Variants in HEATR4 observed in about 807,000 individuals in gnomAD.
HEATR4 encodes HEAT repeat-containing protein 4.
A neutral mutation model predicts 108.8 loss-of-function variants in HEATR4; 95 were observed. The observed-to-expected ratio is 0.87, with a 90% confidence interval of 0.74 to 1.04. The LOEUF is 1.04. HEATR4 is among the 50% of genes least tolerant of loss of function. HEATR4 has a pLI of 0.00. For missense variants in HEATR4, 1,152 were observed against 1,253.8 expected (o/e 0.92, Z 1.23); for synonymous variants, 443 against 459.4 (o/e 0.96, Z 0.46).
At chr14:73,568,823 A>C in the HEATR4 span, among the ~76,000 whole-genome samples, 2 of 152,070 alleles carry the variant, frequency 1.3e-5, no homozygotes, top group Non-Finnish European at 2.9e-5. Flanking sequence ...TGTGGGATTG[A>C]TGTGGAGGAT....
At chr14:73,497,415 CATTA>C (rs1454497748) in intron 14 of HEATR4, among the ~76,000 whole-genome samples, 1 of 152,164 alleles carries the variant, frequency 6.6e-6, no homozygotes, top group Non-Finnish European at 1.5e-5. Context: ...CATGTCATCT[CATTA>C]ATTATCACCA....
chr14:73,538,154 A>T (rs747989865), intron 1 of HEATR4, among the ~76,000 whole-genome samples: 4 of 112,426 alleles, frequency 3.6e-5, no homozygotes, highest in African/African-American at 1.2e-4. Context: ...TTATTTTTTT[A>T]TTTTTATTTT....
chr14:73,518,890 A>G, intron 5 of HEATR4, 133 bp downstream of exon 5: 1 of 777,936 alleles, frequency 1.3e-6, no homozygotes, highest in African/African-American at 1.7e-5. Flanking sequence ...GTACGTAGAA[A>G]GGGGATTGCC....
At chr14:73,619,865 T>C in the HEATR4 span, 1 of 1,534,226 alleles carries the variant, frequency 6.5e-7, no homozygotes, top group Non-Finnish European at 8.7e-7. Context: ...CCAGATACCA[T>C]TAATAAAAAT....
chr14:73,514,478 T>A (rs570219585), intron 5 of HEATR4, among the ~76,000 whole-genome samples: 68 of 152,254 alleles, frequency 4.5e-4, no homozygotes, highest in African/African-American at 1.6e-3. Context: ...GGGGGGAAAT[T>A]GAGATATCTA....
At chr14:73,498,412 A>AT (rs1463593979) in intron 13 of HEATR4, 68 bp from the exon 14 acceptor site, 7 of 1,414,456 alleles carry the variant, frequency 4.9e-6, no homozygotes, top group Non-Finnish European at 6.7e-6. Context: ...CCAGAAATAA[A>AT]TTGAGTTTTG....
Position 73,511,998 on chromosome 14 carries a change from G to A in HEATR4, c.1558+8C>T, listed in dbSNP as rs1887295823. The stretch of plus-strand genomic sequence containing the variant: ...TATGTTCTCAAGCAGTTCAGCTTTG[G>A]CTCTCACCTGAGTCTCTCTGGCTGG... On this transcript the variant is annotated splice_region_variant and intron_variant, in intron 7 of 17. Coordinates refer to ENST00000553558, the MANE Select transcript of HEATR4 (RefSeq NM_001220484.1). 1.2e-6 allele frequency: 2 copies of A among 1,613,672 alleles called. No homozygotes were observed. Among genetic ancestry groups the A allele is most frequent in the African/African-American group, 2.7e-5 (2 of 74,900 alleles).
At chr14:73,497,152 T>C (rs1452948260) in intron 14 of HEATR4, among the ~76,000 whole-genome samples, 2 of 152,328 alleles carry the variant, frequency 1.3e-5, no homozygotes, top group South Asian at 2.1e-4. Flanking sequence ...CGCCTTGGCC[T>C]CCCAAAGTGT....
the HEATR4 span, chr14:73,582,801 T>G: frequency 6.6e-6 from 1 of 152,140 alleles, no homozygotes; most frequent in East Asian, 1.9e-4. Flanking sequence ...TGCCAGTCTC[T>G]GCTGTCTCAC....
the HEATR4 span, among the ~76,000 whole-genome samples, chr14:73,588,003 C>CAT: frequency 6.7e-6 from 1 of 149,450 alleles, no homozygotes; most frequent in East Asian, 1.9e-4. Flanking sequence ...TTATTTCTCT[C>CAT]ATTTTTTTTT....
intron 11 of HEATR4, 49 bp downstream of exon 11, chr14:73,502,846 C>T (rs1183432202): frequency 1.4e-6 from 2 of 1,457,678 alleles, no homozygotes; most frequent in South Asian, 1.1e-5. Flanking sequence ...GCCTCCTAAA[C>T]ACTTCTAAGA....
At chr14:73,508,051 G>A (rs1312080273) in intron 9 of HEATR4, 83 bp downstream of exon 9, 23 of 1,311,686 alleles carry the variant, frequency 1.8e-5, no homozygotes, top group Non-Finnish European at 2.3e-5. Context: ...GGCCCCAGCT[G>A]CATTTCAGAT....
chr14:73,612,538 G>C, the HEATR4 span: 4 of 1,242,838 alleles, frequency 3.2e-6, no homozygotes, highest in Non-Finnish European at 4.1e-6. Flanking sequence ...CTGACTCCGC[G>C]GAGCTGGGTC....
chr14:73,536,934 T>C (rs116671619), intron 1 of HEATR4, among the ~76,000 whole-genome samples: 3,900 of 113,308 alleles, frequency 0.034, 925 homozygotes, highest in African/African-American at 0.11. Flanking sequence ...TGCATTCCTC[T>C]TCGCCATCAG....
chr14:73,539,389 T>C lies in HEATR4; in HGVS notation c.-151-9145A>G, dbSNP rs1418426067. On this transcript the variant is annotated intron_variant, in intron 1 of 17. Transcript: ENST00000553558. ...GTGAGCAAGTCCCCAAAGACCACGG[T>C]CTTGTCCATTGTCAGGATAATTCAC... 5.4e-5 allele frequency: 7 copies of C among 128,826 alleles called. 2 individuals are homozygous for C. In the Admixed American group the frequency reaches 5.9e-4, roughly 11 times the overall value. 8.0% of individuals were successfully genotyped at this position (128,826 alleles called of 1,614,324 possible).
chr14:73,519,141 C>T lies in HEATR4; in HGVS notation c.1092G>A (p.Gln364=). Residue 364 remains glutamine (Q), a synonymous_variant, in exon 5 of 18, where the codon CAG becomes CAA. Coordinates refer to ENST00000553558, the MANE Select transcript of HEATR4 (RefSeq NM_001220484.1). ...IYFDEVQIIH[Q]IGAKRDQIVL... ...CAATCTGGTCTCTCTTTGCACCAAT[C>T]TGGTGGATGATCTGGACTTCATCTG... 3 of 1,613,384 alleles carry T rather than the reference C, an allele frequency of 1.9e-6. No individual in the cohort carries two copies. Among genetic ancestry groups the T allele is most frequent in the Non-Finnish European group, 2.5e-6 (3 of 1,179,660 alleles).
chr14:73,606,468 C>T, the HEATR4 span, among the ~76,000 whole-genome samples: 1 of 152,196 alleles, frequency 6.6e-6, no homozygotes, highest in East Asian at 1.9e-4. Flanking sequence ...ACACAGCTGG[C>T]TCTGTGTGAA....
At chr14:73,569,797 G>A in the HEATR4 span, 3 of 1,603,550 alleles carry the variant, frequency 1.9e-6, no homozygotes, top group Non-Finnish European at 2.6e-6. Flanking sequence ...TGCCAGACGC[G>A]GCACGAGCGC....
the HEATR4 span, among the ~76,000 whole-genome samples, chr14:73,568,867 A>T: frequency 6.6e-6 from 1 of 152,068 alleles, no homozygotes; most frequent in Non-Finnish European, 1.5e-5. Flanking sequence ...GCAAAACACC[A>T]TGGTGCAGAT....
Sources: allele counts gnomAD v4.1 joint callset (sites outside exome capture counted in the v4.1 genomes callset), GRCh38; gene constraint gnomAD v4.1.1; transcripts MANE v1.5; gene names NCBI Gene and HGNC (gene_info 2026-07-23, HGNC 2026-07-21).